Variants in TCF20 observed in about 807,000 individuals in gnomAD.
TCF20 encodes transcription factor 20.
Under a neutral mutation model 148.6 loss-of-function variants are expected in TCF20, and 3 were observed. The observed-to-expected ratio is 0.02, with a 90% CI of 0.01 to 0.05. TCF20 has a LOEUF of 0.05. Among genes scored for constraint, TCF20 ranks in the 10% least tolerant of loss-of-function variants. The probability of loss-of-function intolerance (pLI) is 1.00; values close to 1 mark genes in which losing one functional copy is unlikely to be tolerated. For missense variants in TCF20, 2,350 were observed against 2,429.3 expected, an observed-to-expected ratio of 0.97 and a Z score of 0.69; for synonymous variants, 1,049 against 909.5, an observed-to-expected ratio of 1.15 and a Z score of -2.76.
chr22:42,210,043 T>C lies in TCF20; in HGVS notation c.5263A>G (p.Ser1755Gly). 6.2e-7 allele frequency: 1 copy of C among 1,613,072 alleles called. No homozygotes were observed. Reference protein sequence around the residue: ...MQSKVKVRHKSASNGSKTDTE... With the variant: ...MQSKVKVRHKGASNGSKTDTE... The stretch of plus-strand genomic sequence containing the variant: ...TCCGTCTTGGAGCCATTAGAAGCAC[T>C]TTTGTGCCGTACCTTAACTTTGCTC... The change falls in exon 2 of 6, where the codon AGT (serine) becomes GGT (glycine). Residue 1755 changes from serine (S) to glycine (G), a missense_variant. By Grantham distance (56) the Ser-to-Gly change is moderately conservative. Around this residue, in one of 7 missense-constraint regions of TCF20, gnomAD observed 374 missense variants for 398.3 expected, o/e 0.94. Coordinates refer to ENST00000677622, the MANE Select transcript of TCF20 (RefSeq NM_001378418.1). This position sits in a 1 kb window ranked among gnomAD's most constrained non-coding sequence, Gnocchi z 4.7.
At chr22:42,259,251 T>C (rs1032183022) in intron 1 of TCF20, among the ~76,000 whole-genome samples, 1 of 152,228 alleles carries the variant, frequency 6.6e-6, no homozygotes, top group African/African-American at 2.4e-5. Flanking sequence ...CTTGTCATTG[T>C]TAGCAAGAAT....
At chr22:42,264,947 A>C (rs1569193443) in intron 1 of TCF20, among the ~76,000 whole-genome samples, 1 of 152,256 alleles carries the variant, frequency 6.6e-6, no homozygotes, top group African/African-American at 2.4e-5. Flanking sequence ...CAAATGTTCC[A>C]ATGAATTTCT....
chr22:42,260,248 T>C (rs997366747), intron 1 of TCF20, among the ~76,000 whole-genome samples: 1 of 152,180 alleles, frequency 6.6e-6, no homozygotes, highest in Non-Finnish European at 1.5e-5. Context: ...AACAAACCTG[T>C]AGCTTAGAGA....
At chr22:42,293,895 G>A (rs1027518606) in intron 1 of TCF20, among the ~76,000 whole-genome samples, 10 of 152,320 alleles carry the variant, frequency 6.6e-5, no homozygotes, top group Non-Finnish European at 1.3e-4. Context: ...AGCTACTCAG[G>A]AGGCTGAGGC....
At chr22:42,163,304 C>G (rs1935577688) in intron 5 of TCF20, among the ~76,000 whole-genome samples, 1 of 152,250 alleles carries the variant, frequency 6.6e-6, no homozygotes, top group Admixed American at 6.5e-5. Context: ...GTGGCCCAGG[C>G]AGCGGCAGTT....
intron 1 of TCF20, among the ~76,000 whole-genome samples, chr22:42,323,978 T>TGGTGGTGGC (rs1927803913): frequency 7.8e-6 from 1 of 129,006 alleles, no homozygotes; most frequent in African/African-American, 3.1e-5. Flanking sequence ...ATGGTGGTGG[T>TGGTGGTGGC]GGAGGTTATG....
chr22:42,254,344 A>G (rs1204449373), intron 1 of TCF20, among the ~76,000 whole-genome samples: 1 of 152,286 alleles, frequency 6.6e-6, no homozygotes, highest in South Asian at 2.1e-4. Flanking sequence ...ATCCAAAACT[A>G]AACTCTTCCT....
upstream of TCF20, among the ~76,000 whole-genome samples, chr22:42,287,935 T>C (rs891984609): frequency 2.0e-5 from 3 of 151,478 alleles, no homozygotes; most frequent in African/African-American, 7.3e-5. Context: ...AGACAGGGAG[T>C]GAAGCAATTG....
intron 1 of TCF20, among the ~76,000 whole-genome samples, chr22:42,239,093 G>A (rs539032917): frequency 6.6e-6 from 1 of 152,078 alleles, no homozygotes; most frequent in East Asian, 1.9e-4. Flanking sequence ...ACTCCAGCCT[G>A]GGCGACAGAG....
At chr22:42,188,586 AAATT>A (rs762455679) in intron 2 of TCF20, among the ~76,000 whole-genome samples, 11 of 152,194 alleles carry the variant, frequency 7.2e-5, no homozygotes, top group African/African-American at 2.2e-4. Flanking sequence ...GGTTGGATGA[AAATT>A]AATAAGAACT....
At chr22:42,264,746 G>A (rs1926195232) in intron 1 of TCF20, among the ~76,000 whole-genome samples, 1 of 152,168 alleles carries the variant, frequency 6.6e-6, no homozygotes, top group African/African-American at 2.4e-5. Flanking sequence ...ATCATCACCT[G>A]ACATTTTTAT....
At chr22:42,262,395 C>G (rs1002180993) in intron 1 of TCF20, among the ~76,000 whole-genome samples, 4 of 152,080 alleles carry the variant, frequency 2.6e-5, no homozygotes, top group Admixed American at 2.0e-4. Flanking sequence ...AAGGAGGAAT[C>G]TGATTTGAGA....
chr22:42,305,626 G>T (rs775843564), intron 1 of TCF20, among the ~76,000 whole-genome samples: 1 of 152,150 alleles, frequency 6.6e-6, no homozygotes, highest in African/African-American at 2.4e-5. Context: ...GCTGTTCCAG[G>T]ATGGGGGACC....
At chr22:42,270,987 C>T (rs1270032184), upstream of TCF20, among the ~76,000 whole-genome samples, 2 of 152,102 alleles carry the variant, frequency 1.3e-5, no homozygotes, top group East Asian at 1.9e-4. Context: ...GTTGGTGGCC[C>T]GGAATCTCTC....
intron 1 of TCF20, among the ~76,000 whole-genome samples, chr22:42,223,813 A>G (rs1047006157): frequency 6.6e-5 from 10 of 152,198 alleles, no homozygotes; most frequent in African/African-American, 1.9e-4. Flanking sequence ...TGTATCAAGC[A>G]TAAAGATCTG....
At chr22:42,262,282 TAA>T (rs1189591848) in intron 1 of TCF20, among the ~76,000 whole-genome samples, 1 of 151,778 alleles carries the variant, frequency 6.6e-6, no homozygotes, top group East Asian at 1.9e-4. Context: ...AGGTAAGAGG[TAA>T]AGAGGGTAGT....
chr22:42,324,938 G>T (rs1353807895), intron 1 of TCF20, among the ~76,000 whole-genome samples: 2 of 152,250 alleles, frequency 1.3e-5, no homozygotes, highest in Non-Finnish European at 2.9e-5. Context: ...GAGGCCAGAA[G>T]AAGCCAGGCT....
Position 42,209,641 on chromosome 22 carries a change from T to A in TCF20, c.5655+10A>T, listed in dbSNP as rs540373865. The A allele has an allele frequency of 1.3e-5, 20 of 1,576,128 alleles. No individual in the cohort carries two copies. Among genetic ancestry groups the A allele is most frequent in the Non-Finnish European group, 1.7e-5 (20 of 1,162,914 alleles). On this transcript the variant is annotated intron_variant, in intron 2 of 5. Coordinates refer to ENST00000677622, the MANE Select transcript of TCF20 (RefSeq NM_001378418.1). ...AAATCCCAAGCTGGTAAGAGATTTCTCATACTCACCATCTCTCTGGCTATT... is the reference window on the plus strand; with the variant it reads ...AAATCCCAAGCTGGTAAGAGATTTCACATACTCACCATCTCTCTGGCTATT...
intron 1 of TCF20, among the ~76,000 whole-genome samples, chr22:42,303,520 G>A (rs114674736): frequency 0.025 from 3,836 of 152,362 alleles, 178 homozygotes; most frequent in African/African-American, 0.088. Flanking sequence ...TTTTCCAGCC[G>A]AGGGCATGAG....
Sources: gnomAD v4.1 joint callset for allele counts (sites outside exome capture counted in the v4.1 genomes callset) on GRCh38, gnomAD v4.1.1 for gene constraint, gnomAD v4.1.1 regional missense constraint, Gnocchi (gnomAD v3.1) non-coding constraint, MANE v1.5 for transcripts, NCBI Gene and HGNC (gene_info 2026-07-23, HGNC 2026-07-21) for gene names.